Variants in EXOC4 observed in about 807,000 individuals in gnomAD.
EXOC4 encodes exocyst complex component 4.
A neutral mutation model predicts 107.2 loss-of-function variants in EXOC4; 71 were observed. The observed-to-expected ratio is 0.66, with a 90% CI of 0.55 to 0.81. The LOEUF (loss-of-function observed/expected upper bound fraction) is 0.81. Among genes scored for constraint, EXOC4 ranks in the 30% least tolerant of loss-of-function variants. The pLI is 0.00. For synonymous variants in EXOC4, 456 were observed against 441.2 expected (o/e 1.03, Z -0.42); for missense variants, 1,108 against 1,189.6 (o/e 0.93, Z 1.01).
intron 17 of EXOC4, among the ~76,000 whole-genome samples, chr7:134,019,002 C>T (rs528262698): frequency 6.6e-6 from 1 of 152,242 alleles, no homozygotes; most frequent in East Asian, 1.9e-4. Flanking sequence ...CTGATCTTGC[C>T]TCATGCAACC....
chr7:134,041,538 G>A (rs1256273550), intron 17 of EXOC4, among the ~76,000 whole-genome samples: 4 of 152,040 alleles, frequency 2.6e-5, no homozygotes, highest in African/African-American at 9.7e-5. Flanking sequence ...ATATAAAATT[G>A]TGGTTATCAG....
intron 10 of EXOC4, among the ~76,000 whole-genome samples, chr7:133,645,467 C>T (rs1802968034): frequency 6.6e-6 from 1 of 151,976 alleles, no homozygotes; most frequent in Non-Finnish European, 1.5e-5. Context: ...TGGGACCTAG[C>T]AGGTTATTTC....
rs184131640 is a variant in EXOC4 at position 133,543,820 on chromosome 7, C to T, written c.1417+63682C>T. ...TTTGTTCAAATATGGCCATAAAAATCGACTTTGCAATCATATTGAGTCATC... is the reference window on the plus strand; with the variant it reads ...TTTGTTCAAATATGGCCATAAAAATTGACTTTGCAATCATATTGAGTCATC... On this transcript the variant is annotated intron_variant, in intron 9 of 17. Transcript: ENST00000253861. 1.1e-4 allele frequency among the ~76,000 whole-genome samples: 17 copies of T among 152,182 alleles called. No individual in the cohort carries two copies. In the East Asian group the frequency reaches 2.9e-3, roughly 26 times the overall value.
intron 17 of EXOC4, among the ~76,000 whole-genome samples, chr7:134,025,970 A>T (rs1795129578): frequency 6.6e-6 from 1 of 152,172 alleles, no homozygotes; most frequent in African/African-American, 2.4e-5. Context: ...ACTATACTTA[A>T]ACTTCAGCCT....
chr7:133,434,835 T>A (rs1797932299), intron 7 of EXOC4, among the ~76,000 whole-genome samples: 1 of 152,200 alleles, frequency 6.6e-6, no homozygotes, highest in African/African-American at 2.4e-5. Flanking sequence ...TTATCCTTCC[T>A]CTTTTTTGTC....
chr7:133,555,389 T>G (rs1315267379), intron 9 of EXOC4, among the ~76,000 whole-genome samples: 1 of 152,194 alleles, frequency 6.6e-6, no homozygotes, highest in Admixed American at 6.6e-5. Context: ...TTTTATTTCT[T>G]TAATAAAATT....
At chr7:133,697,398 A>G (rs1180732953) in intron 10 of EXOC4, among the ~76,000 whole-genome samples, 1 of 152,186 alleles carries the variant, frequency 6.6e-6, no homozygotes, top group African/African-American at 2.4e-5. Flanking sequence ...AGTAAATGTT[A>G]TTATTTCCCT....
intron 10 of EXOC4, among the ~76,000 whole-genome samples, chr7:133,722,266 T>G (rs1795120985): frequency 6.6e-6 from 1 of 152,186 alleles, no homozygotes; most frequent in Non-Finnish European, 1.5e-5. Flanking sequence ...ATTTTGAGAG[T>G]GTTAAGACAT....
intron 9 of EXOC4, among the ~76,000 whole-genome samples, chr7:133,491,406 A>G (rs1326051952): frequency 6.6e-6 from 1 of 152,176 alleles, no homozygotes; most frequent in African/African-American, 2.4e-5. Flanking sequence ...AGTGATGTTC[A>G]TATGTGGAAT....
intron 1 of EXOC4, among the ~76,000 whole-genome samples, chr7:133,256,271 G>C (rs890412563): frequency 6.6e-6 from 1 of 152,178 alleles, no homozygotes; most frequent in Non-Finnish European, 1.5e-5. Flanking sequence ...GTGAGCCACC[G>C]CGCCTGGTCT....
chr7:133,745,431 T>A (rs1795653176), intron 10 of EXOC4, among the ~76,000 whole-genome samples: 3 of 152,150 alleles, frequency 2.0e-5, no homozygotes, highest in Admixed American at 2.0e-4. Context: ...CTTCTAGCAT[T>A]GTTATCAATA....
rs1799848073 is a variant in EXOC4 at position 133,917,963 on chromosome 7, T to C, written c.2027+225T>C. On this transcript the variant is annotated intron_variant, in intron 13 of 17. Transcript: ENST00000253861. Reference sequence around the variant, plus strand: ...ATTAATGTGAGTCAAATTTGGAACATTGCTAAATTGGATTAAAATATCTTT... The same window carrying C: ...ATTAATGTGAGTCAAATTTGGAACACTGCTAAATTGGATTAAAATATCTTT... Among the ~76,000 whole-genome samples, 10 of 152,084 alleles carry C rather than the reference T, an allele frequency of 6.6e-5. No homozygotes were observed. The South Asian group carries it at 1.9e-3, about 28-fold the overall frequency.
At chr7:133,651,683 A>G (rs1803157192) in intron 10 of EXOC4, among the ~76,000 whole-genome samples, 1 of 152,062 alleles carries the variant, frequency 6.6e-6, no homozygotes, top group South Asian at 2.1e-4. Flanking sequence ...CTCAAACTGT[A>G]TTTTTTAAAT....
the EXOC4 span, among the ~76,000 whole-genome samples, chr7:134,085,997 C>T: frequency 6.6e-6 from 1 of 152,146 alleles, no homozygotes; most frequent in Non-Finnish European, 1.5e-5. Context: ...ACCAGGAAGT[C>T]GTACTGGAGC....
At chr7:133,552,932 T>G (rs568217952) in intron 9 of EXOC4, among the ~76,000 whole-genome samples, 118 of 152,290 alleles carry the variant, frequency 7.7e-4, no homozygotes, top group South Asian at 6.6e-3. Flanking sequence ...GGTGCATTAA[T>G]AAAGGAAGGA....
At chr7:133,384,212 T>C (rs1056722981) in intron 7 of EXOC4, among the ~76,000 whole-genome samples, 3 of 152,096 alleles carry the variant, frequency 2.0e-5, no homozygotes, top group Admixed American at 1.3e-4. Context: ...CGGCAAACTT[T>C]AGAAAATAGT....
intron 10 of EXOC4, among the ~76,000 whole-genome samples, chr7:133,761,891 T>G (rs1191607767): frequency 6.6e-6 from 1 of 152,182 alleles, no homozygotes; most frequent in Admixed American, 6.5e-5. Context: ...AGTGAAGTGG[T>G]GCTTCTCCCT....
At chr7:134,058,485 A>C (rs1795981382) in intron 17 of EXOC4, among the ~76,000 whole-genome samples, 2 of 152,236 alleles carry the variant, frequency 1.3e-5, no homozygotes, top group Non-Finnish European at 2.9e-5. Flanking sequence ...AGAGGTGACA[A>C]AATGAAAAAG....
intron 17 of EXOC4, 46 bp downstream of exon 17, chr7:134,007,881 C>T (rs757812009): frequency 1.0e-5 from 16 of 1,532,360 alleles, no homozygotes; most frequent in East Asian, 2.3e-5. Flanking sequence ...AAGCTAAGAC[C>T]TCGTTGCCTG....
Sources: allele counts gnomAD v4.1 joint callset (sites outside exome capture counted in the v4.1 genomes callset), GRCh38; gene constraint gnomAD v4.1.1; transcripts MANE v1.5; gene names NCBI Gene and HGNC (gene_info 2026-07-23, HGNC 2026-07-21).